FAR2: variants seen among roughly 807,000 people sequenced by gnomAD.
FAR2 encodes epididymis secretory protein Li 81.
In FAR2, 19 loss-of-function variants were observed where a neutral mutation model predicts 56.0. The ratio of observed to expected loss-of-function variants is 0.34; its 90% CI spans 0.24 to 0.50. The LOEUF (loss-of-function observed/expected upper bound fraction) is 0.50, where lower values mean the gene tolerates loss of function less well. Ranked by LOEUF, FAR2 falls within the 20% of genes least tolerant of loss-of-function variation. FAR2 has a pLI of 0.98. For synonymous variants in FAR2, 219 were observed against 218.8 expected (o/e 1.00, Z -0.01); for missense variants, 508 against 642.2 (o/e 0.79, Z 2.26).
At chr12:29,185,571 A>G (rs1950033697) in intron 1 of FAR2, among the ~76,000 whole-genome samples, 1 of 152,232 alleles carries the variant, frequency 6.6e-6, no homozygotes, top group South Asian at 2.1e-4. Context: ...ATATATTAAT[A>G]AAAAAGCAAT....
At chr12:29,198,018 T>C (rs1231428970) in intron 1 of FAR2, among the ~76,000 whole-genome samples, 1 of 152,206 alleles carries the variant, frequency 6.6e-6, no homozygotes, top group African/African-American at 2.4e-5. Context: ...ACATTAAATG[T>C]ATTTCAAGTA....
intron 1 of FAR2, among the ~76,000 whole-genome samples, chr12:29,235,316 T>C (rs984073081): frequency 6.6e-6 from 1 of 152,188 alleles, no homozygotes; most frequent in African/African-American, 2.4e-5. Flanking sequence ...TTCCAAACAA[T>C]AGCTGGGATT....
chr12:29,239,016 G>T (rs950575535), intron 1 of FAR2, among the ~76,000 whole-genome samples: 16 of 152,112 alleles, frequency 1.1e-4, no homozygotes, highest in African/African-American at 3.4e-4. Context: ...ACCTGATTAG[G>T]TCAGGCCAGC....
At chr12:29,303,152 A>G (rs1323798682) in intron 4 of FAR2, among the ~76,000 whole-genome samples, 1 of 152,122 alleles carries the variant, frequency 6.6e-6, no homozygotes, top group Non-Finnish European at 1.5e-5. Flanking sequence ...GATTTGCCCG[A>G]CTGTTGGAAT....
At chr12:29,322,030 A>T in intron 10 of FAR2, 106 bp downstream of exon 10, 1 of 1,316,594 alleles carries the variant, frequency 7.6e-7, no homozygotes, top group Non-Finnish European at 1.0e-6. Context: ...GGTTATAGAC[A>T]CAGATTTTGT....
At chr12:29,170,447 C>T (rs1318879918) in intron 1 of FAR2, among the ~76,000 whole-genome samples, 1 of 152,246 alleles carries the variant, frequency 6.6e-6, no homozygotes, top group African/African-American at 2.4e-5. Flanking sequence ...CAAGGTGGTA[C>T]TGGAGTACCA....
At chr12:29,270,681 G>A in intron 2 of FAR2, 43 bp downstream of exon 2, 2 of 1,509,700 alleles carry the variant, frequency 1.3e-6, no homozygotes, top group Non-Finnish European at 1.8e-6. Flanking sequence ...AATGCCTTAG[G>A]GCAAGATGAT....
chr12:29,332,693 G>T lies in FAR2; in HGVS notation c.1351G>T (p.Ala451Ser). 3.1e-6 allele frequency: 5 copies of T among 1,613,600 alleles called. No individual in the cohort carries two copies. Among genetic ancestry groups the T allele is most frequent in the Non-Finnish European group, 4.2e-6 (5 of 1,179,762 alleles). The change falls in exon 11 of 12, where the codon GCT becomes TCT. Residue 451 changes from alanine to serine, a missense_variant. Transcript: ENST00000536681. ...AAAATACTTATTGAAAGAGGATATG[G>T]CTGGGATCCCAAAAGCAAAGCAACG... Reference protein sequence around the residue: ...VKKYLLKEDMAGIPKAKQRLK... With the variant: ...VKKYLLKEDMSGIPKAKQRLK...
intron 1 of FAR2, among the ~76,000 whole-genome samples, chr12:29,229,256 T>G (rs73077598): frequency 0.016 from 2,460 of 152,260 alleles, 54 homozygotes; most frequent in African/African-American, 0.048. Flanking sequence ...TCTTAATAGA[T>G]CCTTACGAAA....
chr12:29,331,241 T>C (rs1364602101), intron 10 of FAR2, among the ~76,000 whole-genome samples: 1 of 148,816 alleles, frequency 6.7e-6, no homozygotes, highest in African/African-American at 2.5e-5. Flanking sequence ...CAGGGATGAA[T>C]AGACAAAAAG....
intron 4 of FAR2, among the ~76,000 whole-genome samples, chr12:29,304,736 CAT>C (rs750406642): frequency 4.6e-5 from 7 of 152,120 alleles, no homozygotes; most frequent in South Asian, 2.1e-4. Context: ...TGTGAACACA[CAT>C]AGACATATAC....
intron 1 of FAR2, among the ~76,000 whole-genome samples, chr12:29,218,518 A>G (rs1172164778): frequency 1.3e-5 from 2 of 151,716 alleles, no homozygotes; most frequent in African/African-American, 4.8e-5. Context: ...CACATGGACA[A>G]TCTCAAACAG....
intron 1 of FAR2, among the ~76,000 whole-genome samples, chr12:29,258,110 G>A (rs1443784278): frequency 6.6e-6 from 1 of 151,940 alleles, no homozygotes; most frequent in Non-Finnish European, 1.5e-5. Context: ...TTGGGAGGCT[G>A]AGGCGGGTGG....
At chr12:29,198,817 C>T (rs1401059838) in intron 1 of FAR2, among the ~76,000 whole-genome samples, 7 of 152,228 alleles carry the variant, frequency 4.6e-5, no homozygotes, top group Middle Eastern at 3.4e-3. Flanking sequence ...GCCCCCTCAT[C>T]GCACCCCCTG....
rs1470295030 is a variant in FAR2, at chr12:29,334,210, A to T, written c.*416A>T. On this transcript the variant is annotated 3_prime_UTR_variant, in exon 12 of 12. Coordinates refer to ENST00000536681, the MANE Select transcript of FAR2 (RefSeq NM_001271783.2). Reference sequence around the variant, plus strand: ...AACCATTCTGGGTACCCAAAAGAAAAATTTAAAATCAAGATGAGTAAAAGG... The same window carrying T: ...AACCATTCTGGGTACCCAAAAGAAATATTTAAAATCAAGATGAGTAAAAGG... 1 of 153,016 alleles carries T rather than the reference A, an allele frequency of 6.5e-6. No homozygotes were observed. The highest frequency in any genetic ancestry group is 1.5e-5 in the Non-Finnish European group (1 of 68,552). The allele number at this position is 153,016 out of a possible 1,614,324, so 9.5% of individuals were successfully genotyped here.
intron 1 of FAR2, among the ~76,000 whole-genome samples, chr12:29,262,499 G>A (rs28825120): frequency 0.018 from 2,727 of 152,030 alleles, 83 homozygotes; most frequent in African/African-American, 0.057. Flanking sequence ...GCATGGTGGC[G>A]CACGCCTGTA....
At chr12:29,264,419 G>C (rs114483392) in intron 1 of FAR2, among the ~76,000 whole-genome samples, 2,124 of 152,024 alleles carry the variant, frequency 0.014, 43 homozygotes, top group African/African-American at 0.048. Flanking sequence ...AACACAACAA[G>C]GATGACCACT....
chr12:29,334,850 TCACTAAGGGATTCTAAG>T lies in FAR2; in HGVS notation c.*1057_*1073del, dbSNP rs1949775313. ...CACACAGCAGAAAAGTGAATAGACT[TCACTAAGGGATTCTAAG>T]TTTAGAAAATAGGTTTTGTTTTCTT... On this transcript the variant is annotated 3_prime_UTR_variant, in exon 12 of 12. Coordinates refer to ENST00000536681, the MANE Select transcript of FAR2 (RefSeq NM_001271783.2). The T allele has an allele frequency of 6.6e-6, 1 of 152,186 alleles. No individual in the cohort carries two copies. The highest frequency in any genetic ancestry group is 1.5e-5 in the Non-Finnish European group (1 of 68,022). 9.4% of individuals were successfully genotyped at this position (152,186 alleles called of 1,614,324 possible). A position where few individuals can be genotyped will look rare whatever the true frequency, so the allele number is the denominator to read the frequency against.
intron 2 of FAR2, among the ~76,000 whole-genome samples, chr12:29,273,760 T>C (rs11050168): frequency 0.66 from 101,103 of 152,214 alleles, 34,653 homozygotes; most frequent in African/African-American, 0.83. Flanking sequence ...CAGGTTGGGA[T>C]GGTAGGCCCT....
Sources: gnomAD v4.1 joint callset for allele counts (sites outside exome capture counted in the v4.1 genomes callset) on GRCh38, gnomAD v4.1.1 for gene constraint, MANE v1.5 for transcripts, NCBI Gene and HGNC (gene_info 2026-07-23, HGNC 2026-07-21) for gene names.